Variants in DCT observed in about 807,000 individuals in gnomAD.
The protein encoded by DCT is L-dopachrome tautomerase.
In DCT, 47 loss-of-function variants were observed where a neutral mutation model predicts 53.0. That is an observed-to-expected ratio of 0.89 (90% CI 0.70 to 1.13). DCT has a LOEUF of 1.13. Ranked by LOEUF, DCT falls within the 50% of genes most tolerant of loss-of-function variation. DCT has a pLI of 0.00. For missense variants in DCT, 669 were observed against 637.4 expected (o/e 1.05, Z -0.53); for synonymous variants, 244 against 237.0 (o/e 1.03, Z -0.27).
At chr13:94,527,982 C>T in the DCT span, among the ~76,000 whole-genome samples, 1 of 152,142 alleles carries the variant, frequency 6.6e-6, no homozygotes, top group Non-Finnish European at 1.5e-5. Context: ...ACGAGAACTT[C>T]GTGACGCATG....
intron 7 of DCT, among the ~76,000 whole-genome samples, chr13:94,442,980 C>G (rs543022213): frequency 6.6e-6 from 1 of 152,292 alleles, no homozygotes; most frequent in African/African-American, 2.4e-5. Flanking sequence ...ATTTTGTGCT[C>G]AAGGCAAATG....
Position 94,437,116 on chromosome 13 carries a change from T to C in DCT, c.*2782A>G, listed in dbSNP as rs1032702674. 6 of 152,164 alleles carry C rather than the reference T, an allele frequency of 3.9e-5. No individual in the cohort carries two copies. The highest frequency in any genetic ancestry group is 1.4e-4 in the African/African-American group (6 of 41,454). 9.4% of individuals were successfully genotyped at this position (152,164 alleles called of 1,614,324 possible). ...TCCTTTTCCTACCTGTTCAAACAGA[T>C]TCAGAAAATAGCAATTGTTTGGAAA... On this transcript the variant is annotated 3_prime_UTR_variant, in exon 8 of 8. Coordinates refer to ENST00000377028, the MANE Select transcript of DCT (RefSeq NM_001922.5).
chr13:94,538,303 T>C, the DCT span, among the ~76,000 whole-genome samples: 1 of 152,186 alleles, frequency 6.6e-6, no homozygotes, highest in Non-Finnish European at 1.5e-5. Context: ...TAAGGATTTT[T>C]ATTTTTCTCC....
chr13:94,520,408 G>A, the DCT span, among the ~76,000 whole-genome samples: 1 of 152,284 alleles, frequency 6.6e-6, no homozygotes, highest in South Asian at 2.1e-4. Flanking sequence ...AATTGAGAAA[G>A]GGTAATGACA....
At chr13:94,451,897 CT>C (rs1883117620) in intron 6 of DCT, among the ~76,000 whole-genome samples, 2 of 151,566 alleles carry the variant, frequency 1.3e-5, no homozygotes, top group South Asian at 4.2e-4. Flanking sequence ...TTCCCTAATT[CT>C]GACTTTTTTG....
chr13:94,461,148 T>C (rs1249930624), intron 5 of DCT, among the ~76,000 whole-genome samples: 3 of 152,246 alleles, frequency 2.0e-5, no homozygotes, highest in Non-Finnish European at 4.4e-5. Context: ...GCATTTTCTA[T>C]ATGTTTGAGT....
At chr13:94,504,863 G>A in the DCT span, among the ~76,000 whole-genome samples, 1 of 152,036 alleles carries the variant, frequency 6.6e-6, no homozygotes, top group African/African-American at 2.4e-5. Flanking sequence ...ACTTGTATTG[G>A]CTTATTTTCT....
At chr13:94,489,616 T>C in the DCT span, among the ~76,000 whole-genome samples, 1 of 152,218 alleles carries the variant, frequency 6.6e-6, no homozygotes, top group Non-Finnish European at 1.5e-5. Context: ...CATTATATTA[T>C]TACTTGTTTG....
chr13:94,515,442 G>A, the DCT span, among the ~76,000 whole-genome samples: 6 of 152,268 alleles, frequency 3.9e-5, no homozygotes, highest in East Asian at 1.9e-4. Context: ...AATTGGATGC[G>A]GAAGGTGAGG....
chr13:94,475,917 TA>T (rs1458794695), intron 1 of DCT, among the ~76,000 whole-genome samples: 1 of 152,118 alleles, frequency 6.6e-6, no homozygotes, highest in African/African-American at 2.4e-5. Flanking sequence ...AAGTTACCTT[TA>T]AAAAAATGTA....
At chr13:94,461,440 T>C (rs930511726) in intron 5 of DCT, among the ~76,000 whole-genome samples, 2 of 152,192 alleles carry the variant, frequency 1.3e-5, no homozygotes, top group Non-Finnish European at 2.9e-5. Flanking sequence ...ACTCCTGGAC[T>C]CAAGCAGTCC....
the DCT span, among the ~76,000 whole-genome samples, chr13:94,548,445 T>G: frequency 6.6e-6 from 1 of 152,128 alleles, no homozygotes; most frequent in Non-Finnish European, 1.5e-5. Flanking sequence ...GTCCTTCATC[T>G]GCTGTCCAGC....
upstream of DCT, among the ~76,000 whole-genome samples, chr13:94,481,582 C>T (rs566153103): frequency 5.3e-5 from 8 of 152,176 alleles, no homozygotes; most frequent in East Asian, 5.8e-4. Flanking sequence ...TGCCCCAGGT[C>T]GAAGTCCTAG....
intron 6 of DCT, among the ~76,000 whole-genome samples, chr13:94,445,456 AT>A (rs1051728109): frequency 5.2e-4 from 79 of 152,318 alleles, no homozygotes; most frequent in African/African-American, 1.9e-3. Context: ...GAGGCTCAAG[AT>A]TTCAGGAAGA....
intron 6 of DCT, among the ~76,000 whole-genome samples, chr13:94,447,632 T>C (rs1258144113): frequency 1.3e-5 from 2 of 152,180 alleles, no homozygotes; most frequent in African/African-American, 4.8e-5. Context: ...ATCTTAACAA[T>C]GCAGAAAGAG....
the DCT span, among the ~76,000 whole-genome samples, chr13:94,520,720 G>A: frequency 6.6e-6 from 1 of 152,134 alleles, no homozygotes. Flanking sequence ...GAAAAAAAAG[G>A]ACTGAGAAAC....
chr13:94,498,228 T>C, the DCT span, among the ~76,000 whole-genome samples: 1 of 152,194 alleles, frequency 6.6e-6, no homozygotes, highest in African/African-American at 2.4e-5. Context: ...TGAAAACAGG[T>C]AGACCAAGCA....
rs539178886 is a variant in DCT, at chr13:94,442,560, C to T, written c.1381+876G>A. Among the ~76,000 whole-genome samples the T allele has an allele frequency of 7.8e-4, 119 of 152,224 alleles. 2 individuals carry two copies. Among genetic ancestry groups the T allele is most frequent in the African/African-American group, 1.9e-3 (80 of 41,560 alleles). ...AATGGTGTGTGGAGCCATATTGGGG[C>T]CTGGGCCAAAAAGAAAAACATGTGC... On this transcript the variant is annotated intron_variant, in intron 7 of 7. Transcript: ENST00000377028.
chr13:94,466,705 T>A, intron 2 of DCT, 47 bp from the exon 3 acceptor site: 8 of 1,309,232 alleles, frequency 6.1e-6, no homozygotes, highest in East Asian at 4.7e-5. Flanking sequence ...TAGAATTTTT[T>A]AAAATGTTAA....
Sources: allele counts gnomAD v4.1 joint callset (sites outside exome capture counted in the v4.1 genomes callset), GRCh38; gene constraint gnomAD v4.1.1; transcripts MANE v1.5; gene names NCBI Gene and HGNC (gene_info 2026-07-23, HGNC 2026-07-21).